The following NCDN variants were observed in gnomAD, a reference collection of about 807,000 sequenced individuals.
NCDN encodes neurochondrin.
In NCDN, 9 loss-of-function variants were observed where a neutral mutation model predicts 60.7. The observed-to-expected ratio is 0.15, with a 90% CI of 0.09 to 0.26. The LOEUF is 0.26. NCDN is among the 10% of genes least tolerant of loss of function. NCDN has a pLI of 1.00. For missense variants in NCDN, 578 were observed against 975.2 expected, an observed-to-expected ratio of 0.59 and a Z score of 5.42; for synonymous variants, 409 against 442.5, an observed-to-expected ratio of 0.92 and a Z score of 0.95.
In NCDN at chr1:35,558,592, G is replaced by A. The variant is rs1648514163; in HGVS notation, c.33+369G>A. On this transcript the variant is annotated intron_variant, in intron 1 of 6. Coordinates refer to ENST00000373243, the MANE Select transcript of NCDN (RefSeq NM_014284.3). This position sits in a 1 kb window ranked among gnomAD's most constrained non-coding sequence, Gnocchi z 6.3. The stretch of plus-strand genomic sequence containing the variant: ...CGTCTTGTATTCTCACTTCTGAAGC[G>A]TATCTCTGCCTCTGAAGAAGGGAGG... The A allele has an allele frequency of 6.6e-6, 8 of 1,209,900 alleles. No homozygotes were observed. The highest frequency in any genetic ancestry group is 4.6e-5 in the African/African-American group (3 of 64,704). The allele number at this position is 1,209,900 out of a possible 1,614,324, so 74.9% of individuals were successfully genotyped here.
rs56974171 is a variant in NCDN, at chr1:35,566,629, C to CCA, written c.*1016_*1017dup. 0.099 allele frequency: 26,762 copies of CCA among 269,356 alleles called. 1,103 individuals are homozygous for CCA. Among genetic ancestry groups the CCA allele is most frequent in the Non-Finnish European group, 0.12 (15,595 of 131,626 alleles). The allele number at this position is 269,356 out of a possible 1,614,324, so 16.7% of individuals were successfully genotyped here. ...TACCTTTCTTATAAACCCAGGGGGA[C>CCA]CACACACACACACACACACACACAC... On this transcript the variant is annotated 3_prime_UTR_variant, in exon 7 of 7. Coordinates refer to ENST00000373243, the MANE Select transcript of NCDN (RefSeq NM_014284.3). The surrounding 1 kb of genome is among the most constrained non-coding windows in gnomAD (Gnocchi z 5.3).
chr1:35,559,628 G>C (rs1231337473), intron 2 of NCDN, among the ~76,000 whole-genome samples: 1 of 152,066 alleles, frequency 6.6e-6, no homozygotes, highest in Non-Finnish European at 1.5e-5. Context: ...GGTCCTAGGG[G>C]AAGGCCAGGA....
Position 35,561,350 on chromosome 1 carries a change from G to A in NCDN, c.1143+56G>A, listed in dbSNP as rs1445806204. The A allele has an allele frequency of 6.6e-7, 1 of 1,519,968 alleles. No individual in the cohort carries two copies. Among genetic ancestry groups the A allele is most frequent in the African/African-American group, 1.4e-5 (1 of 72,492 alleles). 94.2% of individuals were successfully genotyped at this position (1,519,968 alleles called of 1,614,324 possible). On this transcript the variant is annotated intron_variant, in intron 3 of 6. Transcript: ENST00000373243. The surrounding 1 kb of genome is among the most constrained non-coding windows in gnomAD (Gnocchi z 4.9). Reference sequence around the variant, plus strand: ...CAGTATGGGGGGAGCCAGTGCTGGAGCTGGGAGGCAAGGGGGAGGAGAATA... The same window carrying A: ...CAGTATGGGGGGAGCCAGTGCTGGAACTGGGAGGCAAGGGGGAGGAGAATA...
chr1:35,562,595 C>T lies in NCDN; in HGVS notation c.1347C>T (p.Pro449=). Residue 449 remains proline, a synonymous_variant, in exon 4 of 7, where the codon CCC becomes CCT. Coordinates refer to ENST00000373243, the MANE Select transcript of NCDN (RefSeq NM_014284.3). The surrounding 1 kb of genome is among the most constrained non-coding windows in gnomAD (Gnocchi z 6.8). ...SQQVANLAIS[P]TTPGPTWPGD... ...AGGTGGCCAACCTGGCCATCTCCCCCACCACCCCAGGGCCCACCTGGCCAG... is the reference window on the plus strand; with the variant it reads ...AGGTGGCCAACCTGGCCATCTCCCCTACCACCCCAGGGCCCACCTGGCCAG... 1.9e-6 allele frequency: 3 copies of T among 1,613,920 alleles called. No homozygotes were observed. The highest frequency in any genetic ancestry group is 2.5e-6 in the Non-Finnish European group (3 of 1,179,916).
Position 35,562,270 on chromosome 1 carries a change from C to A in NCDN, c.1144-122C>A. The A allele has an allele frequency of 7.1e-7, 1 of 1,412,926 alleles. No individual in the cohort carries two copies. Among genetic ancestry groups the A allele is most frequent in the Non-Finnish European group, 9.7e-7 (1 of 1,034,426 alleles). The allele number at this position is 1,412,926 out of a possible 1,614,324, so 87.5% of individuals were successfully genotyped here. On this transcript the variant is annotated intron_variant, in intron 3 of 6. Transcript: ENST00000373243. This position sits in a 1 kb window ranked among gnomAD's most constrained non-coding sequence, Gnocchi z 6.8. ...GGGACAGAATAAAGGTTGGGGCCTG[C>A]CTTTGAAAGGCTCACAGGCCAGAAT... is the stretch of plus-strand genomic sequence containing the variant.
At chr1:35,564,975 A>G (rs1474032414) in intron 6 of NCDN, among the ~76,000 whole-genome samples, 2 of 152,064 alleles carry the variant, frequency 1.3e-5, no homozygotes, top group Non-Finnish European at 2.9e-5. Context: ...TACCAAGATG[A>G]TCACATTTAA....
chr1:35,561,594 G>A lies in NCDN; in HGVS notation c.1143+300G>A, dbSNP rs528537431. ...TCCCCCCAATACACACACACTACAC[G>A]CCACACACCTCTCCCCAACACATGC... On this transcript the variant is annotated intron_variant, in intron 3 of 6. Coordinates refer to ENST00000373243, the MANE Select transcript of NCDN (RefSeq NM_014284.3). This position sits in a 1 kb window ranked among gnomAD's most constrained non-coding sequence, Gnocchi z 4.9. 2.6e-5 allele frequency among the ~76,000 whole-genome samples: 4 copies of A among 151,650 alleles called. No individual in the cohort carries two copies. The highest frequency in any genetic ancestry group is 2.1e-4 in the South Asian group (1 of 4,774).
At position 35,561,377 on chromosome 1, in the gene NCDN, T is replaced by C; in HGVS notation, c.1143+83T>C. The C allele has an allele frequency of 6.7e-7, 1 of 1,486,968 alleles. No individual in the cohort carries two copies. The highest frequency in any genetic ancestry group is 1.4e-5 in the African/African-American group (1 of 71,806). 92.1% of individuals were successfully genotyped at this position (1,486,968 alleles called of 1,614,324 possible). On this transcript the variant is annotated intron_variant, in intron 3 of 6. Transcript: ENST00000373243. The surrounding 1 kb of genome is among the most constrained non-coding windows in gnomAD (Gnocchi z 4.9). ...TGGGAGGCAAGGGGGAGGAGAATAA[T>C]GGGGAGACAGCGAAGCTGCATGTCC...
chr1:35,564,041 G>A lies in NCDN; in HGVS notation c.1753+132G>A. 6 of 1,129,408 alleles carry A rather than the reference G, an allele frequency of 5.3e-6. No individual in the cohort carries two copies. The South Asian group carries it at 9.8e-5, about 18-fold the overall frequency. The allele number at this position is 1,129,408 out of a possible 1,614,324, so 70.0% of individuals were successfully genotyped here. On this transcript the variant is annotated intron_variant, in intron 6 of 6. Coordinates refer to ENST00000373243, the MANE Select transcript of NCDN (RefSeq NM_014284.3). ...TTCTAAGCAAGAGGAAATCTTTGCA[G>A]TGTATCTCCATCCCCTACCCCCACC...
At chr1:35,559,891 A>G (rs974786811) in intron 2 of NCDN, among the ~76,000 whole-genome samples, 5 of 152,060 alleles carry the variant, frequency 3.3e-5, no homozygotes, top group Non-Finnish European at 7.4e-5. Flanking sequence ...TGACAGGCGG[A>G]GCGGCGAGAC....
Position 35,558,123 on chromosome 1 carries a change from A to G in NCDN, c.-68A>G. The G allele has an allele frequency of 6.3e-7, 1 of 1,599,504 alleles. No individual in the cohort carries two copies. The highest frequency in any genetic ancestry group is 1.1e-5 in the South Asian group (1 of 90,600). On this transcript the variant is annotated 5_prime_UTR_variant, in exon 1 of 7. Transcript: ENST00000373243. This position sits in a 1 kb window ranked among gnomAD's most constrained non-coding sequence, Gnocchi z 6.3. ...TCTCCCATGTCGTGATTTTGACGTG[A>G]TCTCTCCGTGACATCACCGCGCCAT... is the stretch of plus-strand genomic sequence containing the variant.
In NCDN at chr1:35,561,599, A is replaced by C. The variant is rs1304828110; in HGVS notation, c.1143+305A>C. 6.6e-6 allele frequency among the ~76,000 whole-genome samples: 1 copy of C among 151,994 alleles called. No homozygotes were observed. The highest frequency in any genetic ancestry group is 1.9e-4 in the East Asian group (1 of 5,188). On this transcript the variant is annotated intron_variant, in intron 3 of 6. Coordinates refer to ENST00000373243, the MANE Select transcript of NCDN (RefSeq NM_014284.3). The surrounding 1 kb of genome is among the most constrained non-coding windows in gnomAD (Gnocchi z 4.9). Reference sequence around the variant, plus strand: ...CCAATACACACACACTACACGCCACACACCTCTCCCCAACACATGCACACA... The same window carrying C: ...CCAATACACACACACTACACGCCACCCACCTCTCCCCAACACATGCACACA...
At position 35,560,579 on chromosome 1, in the gene NCDN, C is replaced by T. The variant is rs766451366; in HGVS notation, c.428C>T (p.Pro143Leu). The T allele has an allele frequency of 2.5e-6, 4 of 1,613,426 alleles. No homozygotes were observed. The highest frequency in any genetic ancestry group is 2.2e-5 in the South Asian group (2 of 91,082). Reference protein sequence around the residue: ...LSTFLTARGDPDDAARRSMID... With the variant: ...LSTFLTARGDLDDAARRSMID... Reference sequence around the variant, plus strand: ...ACCTTCCTCACAGCCCGGGGGGACCCGGACGATGCTGCCCGCCGCTCCATG... The same window carrying T: ...ACCTTCCTCACAGCCCGGGGGGACCTGGACGATGCTGCCCGCCGCTCCATG... Residue 143 changes from proline (P) to leucine (L), a missense_variant, in exon 3 of 7, where the codon CCG (proline) becomes CTG (leucine). Coordinates refer to ENST00000373243, the MANE Select transcript of NCDN (RefSeq NM_014284.3). The surrounding 1 kb of genome is among the most constrained non-coding windows in gnomAD (Gnocchi z 7.6).
In NCDN at chr1:35,561,283, T is replaced by C. The variant is rs1233051446; in HGVS notation, c.1132T>C (p.Tyr378His). ...GGAGGCCATAGGGGCTGTTATCCAC[T>C]ACCTGCTGCAGGTGAGGGTGCAGTG... ...MKEAIGAVIH[Y>H]LLQVGSEKQK... Residue 378 changes from tyrosine to histidine, a missense_variant, in exon 3 of 7, where the codon TAC becomes CAC. By Grantham distance (83) the Tyr-to-His change is moderately conservative. Around this residue, in one of 3 missense-constraint regions of NCDN, gnomAD observed 363 missense variants for 583.6 expected, o/e 0.62. Coordinates refer to ENST00000373243, the MANE Select transcript of NCDN (RefSeq NM_014284.3). The surrounding 1 kb of genome is among the most constrained non-coding windows in gnomAD (Gnocchi z 4.9). 6 of 1,589,872 alleles carry C rather than the reference T, an allele frequency of 3.8e-6. No homozygotes were observed. In the African/African-American group the frequency reaches 8.0e-5, roughly 21 times the overall value.
Position 35,558,461 on chromosome 1 carries a change from C to T in NCDN, c.33+238C>T, listed in dbSNP as rs998651114. ...GCTGCTGCTGCTGCTGCAGCCTCTA[C>T]CCGAGGGAGGGAAAGGAGAGGAGGC... On this transcript the variant is annotated intron_variant, in intron 1 of 6. Transcript: ENST00000373243. The surrounding 1 kb of genome is among the most constrained non-coding windows in gnomAD (Gnocchi z 6.3). 113 of 1,426,084 alleles carry T rather than the reference C, an allele frequency of 7.9e-5. No individual in the cohort carries two copies. The highest frequency in any genetic ancestry group is 1.0e-4 in the Non-Finnish European group (109 of 1,094,198). The allele number at this position is 1,426,084 out of a possible 1,614,324, so 88.3% of individuals were successfully genotyped here.
Position 35,561,025 on chromosome 1 carries a change from T to C in NCDN, c.874T>C (p.Cys292Arg), listed in dbSNP as rs754530076. 32 of 1,612,738 alleles carry C rather than the reference T, an allele frequency of 2.0e-5. No homozygotes were observed. The highest frequency in any genetic ancestry group is 2.7e-5 in the Non-Finnish European group (32 of 1,179,376). The change falls in exon 3 of 7, where the codon TGC becomes CGC. Residue 292 changes from cysteine to arginine, a missense_variant. Cys to Arg is a radical substitution (Grantham distance 180). Coordinates refer to ENST00000373243, the MANE Select transcript of NCDN (RefSeq NM_014284.3). This position sits in a 1 kb window ranked among gnomAD's most constrained non-coding sequence, Gnocchi z 4.9. Reference protein sequence around the residue: ...LKLAARLAHACGSDWIPAGSS... With the variant: ...LKLAARLAHARGSDWIPAGSS... ...GCTGGCAGCCCGCCTGGCACACGCC[T>C]GCGGCTCCGACTGGATCCCGGCGGG...
rs745639355 is a variant in NCDN at position 35,563,269 on chromosome 1, G to C, written c.1453G>C (p.Gly485Arg). The change falls in exon 5 of 7, where the codon GGG becomes CGG. Residue 485 changes from glycine to arginine, a missense_variant. Transcript: ENST00000373243. The surrounding 1 kb of genome is among the most constrained non-coding windows in gnomAD (Gnocchi z 6.6). ...GCCCCGGGAGATCCTGATCAAGGAA[G>C]GGGCCCCCTCGCTTCTGTGCAAGTA... ...DGPREILIKEGAPSLLCKYFL... is the reference protein window; with the variant it reads ...DGPREILIKERAPSLLCKYFL... The C allele has an allele frequency of 6.2e-7, 1 of 1,614,218 alleles. No homozygotes were observed. Among genetic ancestry groups the C allele is most frequent in the Admixed American group, 1.7e-5 (1 of 60,028 alleles).
chr1:35,561,053 G>A lies in NCDN; in HGVS notation c.902G>A (p.Ser301Asn), dbSNP rs1339330704. 3 of 1,612,942 alleles carry A rather than the reference G, an allele frequency of 1.9e-6. No homozygotes were observed. Among genetic ancestry groups the A allele is most frequent in the Non-Finnish European group, 2.5e-6 (3 of 1,179,330 alleles). ...ACGSDWIPAG[S>N]SGSKFLALLV... The stretch of plus-strand genomic sequence containing the variant: ...GGCTCCGACTGGATCCCGGCGGGCA[G>A]CTCCGGGAGCAAGTTCCTGGCCCTG... The change falls in exon 3 of 7, where the codon AGC (serine) becomes AAC (asparagine). Residue 301 changes from serine to asparagine, a missense_variant. This residue lies in a region of NCDN where 363 missense variants were observed against 583.6 expected (regional missense o/e 0.62). Coordinates refer to ENST00000373243, the MANE Select transcript of NCDN (RefSeq NM_014284.3). This position sits in a 1 kb window ranked among gnomAD's most constrained non-coding sequence, Gnocchi z 4.9.
Position 35,560,453 on chromosome 1 carries a change from A to G in NCDN, c.302A>G (p.His101Arg). 1 of 1,613,988 alleles carries G rather than the reference A, an allele frequency of 6.2e-7. No homozygotes were observed. Among genetic ancestry groups the G allele is most frequent in the Non-Finnish European group, 8.5e-7 (1 of 1,180,030 alleles). Residue 101 changes from histidine (H) to arginine (R), a missense_variant, in exon 3 of 7, where the codon CAT becomes CGT. Physicochemically the swap from His to Arg is conservative, Grantham distance 29 (BLOSUM62 0). Coordinates refer to ENST00000373243, the MANE Select transcript of NCDN (RefSeq NM_014284.3). This position sits in a 1 kb window ranked among gnomAD's most constrained non-coding sequence, Gnocchi z 7.6. The stretch of plus-strand genomic sequence containing the variant: ...GAGGCGCCGGATGGCTGCCCTGACC[A>G]TGTTCTGCGGGCTTTGGGTGTGGCC... ...TKEAPDGCPD[H>R]VLRALGVALL...
Sources: allele counts gnomAD v4.1 joint callset (sites outside exome capture counted in the v4.1 genomes callset), GRCh38; gene constraint gnomAD v4.1.1; regional missense constraint gnomAD v4.1.1; non-coding constraint Gnocchi (gnomAD v3.1); transcripts MANE v1.5; gene names NCBI Gene and HGNC (gene_info 2026-07-23, HGNC 2026-07-21).